Variants in MEGF10 observed in about 807,000 individuals in gnomAD.
MEGF10 encodes multiple EGF like domains 10.
In MEGF10, 86 loss-of-function variants were observed where a neutral mutation model predicts 147.5. The observed-to-expected ratio is 0.58, with a 90% confidence interval of 0.49 to 0.70. MEGF10 has a LOEUF of 0.70. MEGF10 is among the 30% of genes least tolerant of loss of function. The pLI, the probability that MEGF10 is intolerant of heterozygous loss-of-function variation, is 0.00. For synonymous variants in MEGF10, 478 were observed against 525.5 expected, an observed-to-expected ratio of 0.91 and a Z score of 1.24; for missense variants, 1,329 against 1,487.3, an observed-to-expected ratio of 0.89 and a Z score of 1.75.
chr5:127,410,802 G>A (rs548166809), intron 9 of MEGF10, among the ~76,000 whole-genome samples: 3 of 152,322 alleles, frequency 2.0e-5, no homozygotes, highest in Admixed American at 6.5e-5. Flanking sequence ...TGCTAAAATT[G>A]TTCAATGGTT....
rs144580265 is a variant in MEGF10 at position 127,421,790 on chromosome 5, G to T, written c.1591-880G>T. Among the ~76,000 whole-genome samples the T allele has an allele frequency of 1.5e-3, 231 of 151,552 alleles. 2 individuals are homozygous for T. The highest frequency in any genetic ancestry group is 5.3e-3 in the African/African-American group (221 of 41,340). On this transcript the variant is annotated intron_variant, in intron 12 of 24. Coordinates refer to ENST00000503335, the MANE Select transcript of MEGF10 (RefSeq NM_001256545.2). ...CCATGTATCTCGTTGGCAACTTATG[G>T]CAATGAACTTAATTCAATTAAAACT...
the MEGF10 span, among the ~76,000 whole-genome samples, chr5:127,270,161 G>A: frequency 6.6e-6 from 1 of 152,190 alleles, no homozygotes; most frequent in Non-Finnish European, 1.5e-5. Context: ...ATGCTGGGAA[G>A]AAACTGCATC....
intron 1 of MEGF10, among the ~76,000 whole-genome samples, chr5:127,294,835 T>TAATAATAATAATAAA (rs56033520): frequency 0.027 from 3,897 of 143,066 alleles, 69 homozygotes; most frequent in East Asian, 0.04. Flanking sequence ...ATAATAATAA[T>TAATAATAATAATAAA]AAATAACTTG....
At chr5:127,430,908 A>G (rs1407465424) in intron 13 of MEGF10, among the ~76,000 whole-genome samples, 1 of 152,268 alleles carries the variant, frequency 6.6e-6, no homozygotes, top group African/African-American at 2.4e-5. Flanking sequence ...TAGAATTTTT[A>G]TAATTTATAT....
At chr5:127,340,994 C>T (rs1761658854) in intron 4 of MEGF10, among the ~76,000 whole-genome samples, 2 of 152,166 alleles carry the variant, frequency 1.3e-5, no homozygotes, top group Non-Finnish European at 2.9e-5. Context: ...CTGCAGCTGA[C>T]CTGAGTCAAC....
the MEGF10 span, among the ~76,000 whole-genome samples, chr5:127,234,420 G>A: frequency 6.6e-6 from 1 of 152,196 alleles, no homozygotes; most frequent in Non-Finnish European, 1.5e-5. Flanking sequence ...TTGTAAAGAA[G>A]AAATGGATAT....
intron 1 of MEGF10, among the ~76,000 whole-genome samples, chr5:127,296,260 G>A (rs1759495439): frequency 6.6e-6 from 1 of 152,130 alleles, no homozygotes; most frequent in African/African-American, 2.4e-5. Context: ...AAACTCTGTG[G>A]CATTAGCCAA....
chr5:127,403,124 T>G (rs1764192046), intron 8 of MEGF10, among the ~76,000 whole-genome samples: 1 of 152,148 alleles, frequency 6.6e-6, no homozygotes, highest in Non-Finnish European at 1.5e-5. Flanking sequence ...GTGGTGGCGA[T>G]AGAGTCAGAT....
the MEGF10 span, among the ~76,000 whole-genome samples, chr5:127,279,684 TG>T: frequency 6.6e-6 from 1 of 152,176 alleles, no homozygotes; most frequent in African/African-American, 2.4e-5. Context: ...GACAATACTC[TG>T]TGTCAAATAC....
chr5:127,331,610 T>A (rs1761265940), intron 2 of MEGF10, among the ~76,000 whole-genome samples, 186 bp downstream of exon 2: 1 of 152,158 alleles, frequency 6.6e-6, no homozygotes, highest in Non-Finnish European at 1.5e-5. Context: ...GCATATATAT[T>A]ATGTGAAAAA....
the MEGF10 span, among the ~76,000 whole-genome samples, chr5:127,280,395 T>C: frequency 3.9e-5 from 6 of 152,294 alleles, no homozygotes; most frequent in Admixed American, 3.9e-4. Flanking sequence ...GTTTTATTAA[T>C]ACATGAAGTG....
chr5:127,364,726 ACT>A (rs1385084824), intron 4 of MEGF10, among the ~76,000 whole-genome samples: 1 of 151,720 alleles, frequency 6.6e-6, no homozygotes, highest in Non-Finnish European at 1.5e-5. Context: ...TTGGAAGTCA[ACT>A]CTCTGTTTGC....
At chr5:127,369,397 G>A (rs1290774801) in intron 4 of MEGF10, among the ~76,000 whole-genome samples, 1 of 152,158 alleles carries the variant, frequency 6.6e-6, no homozygotes, top group African/African-American at 2.4e-5. Context: ...AACAGAAAAA[G>A]AGCAAGCAAT....
intron 1 of MEGF10, among the ~76,000 whole-genome samples, chr5:127,321,429 A>ATG (rs374298589): frequency 4.2e-4 from 63 of 151,650 alleles, no homozygotes; most frequent in Non-Finnish European, 7.2e-4. Flanking sequence ...GTGTGTGTGT[A>ATG]TGTGTGTGTG....
At chr5:127,434,850 G>A (rs1765503731) in intron 15 of MEGF10, 29 bp downstream of exon 15, 1 of 1,603,514 alleles carries the variant, frequency 6.2e-7, no homozygotes, top group East Asian at 2.2e-5. Context: ...CGGACAGCTG[G>A]GTGGTGATGA....
intron 4 of MEGF10, among the ~76,000 whole-genome samples, chr5:127,349,314 A>G (rs572662908): frequency 1.9e-4 from 29 of 152,122 alleles, no homozygotes; most frequent in African/African-American, 2.7e-4. Flanking sequence ...AGTCTCTTCA[A>G]TTCATTGAAT....
chr5:127,380,739 G>A (rs1241664953), intron 5 of MEGF10, among the ~76,000 whole-genome samples: 3 of 151,940 alleles, frequency 2.0e-5, no homozygotes, highest in Non-Finnish European at 2.9e-5. Flanking sequence ...GTCTGGTCTC[G>A]AACTCCTGAC....
intron 17 of MEGF10, 89 bp downstream of exon 17, chr5:127,438,656 A>G (rs1765644861): frequency 3.5e-6 from 5 of 1,446,022 alleles, no homozygotes; most frequent in East Asian, 2.3e-5. Context: ...CTGGAGCTCA[A>G]CAAAGGTCCC....
rs894632698 is a variant in MEGF10 at position 127,459,971 on chromosome 5, C to T, written c.*2653C>T. The T allele has an allele frequency of 1.3e-5, 2 of 152,034 alleles. No individual in the cohort carries two copies. Among genetic ancestry groups the T allele is most frequent in the African/African-American group, 4.8e-5 (2 of 41,402 alleles). 9.4% of individuals were successfully genotyped at this position (152,034 alleles called of 1,614,324 possible). On this transcript the variant is annotated 3_prime_UTR_variant, in exon 25 of 25. Coordinates refer to ENST00000503335, the MANE Select transcript of MEGF10 (RefSeq NM_001256545.2). The stretch of plus-strand genomic sequence containing the variant: ...ACAAAAGAATCTTGGCAAAATTTTC[C>T]CTCTGAAATTACAAACTTTAGGAAC...
Sources: allele counts gnomAD v4.1 joint callset (sites outside exome capture counted in the v4.1 genomes callset), GRCh38; gene constraint gnomAD v4.1.1; transcripts MANE v1.5; gene names NCBI Gene and HGNC (gene_info 2026-07-23, HGNC 2026-07-21).